Variants in IGF1R observed in about 807,000 individuals in gnomAD.
IGF1R encodes the protein insulin like growth factor 1 receptor.
In IGF1R, 44 loss-of-function variants were observed where a neutral mutation model predicts 144.6. That is an observed-to-expected ratio of 0.30 (90% CI 0.24 to 0.39). The LOEUF (loss-of-function observed/expected upper bound fraction) is 0.39, where lower values mean the gene tolerates loss of function less well. IGF1R is among the 10% of genes least tolerant of loss of function. The pLI, the probability that IGF1R is intolerant of heterozygous loss-of-function variation, is 1.00. For missense variants in IGF1R, 1,355 were observed against 1,833.7 expected, an observed-to-expected ratio of 0.74 and a Z score of 4.77; for synonymous variants, 795 against 722.8, an observed-to-expected ratio of 1.10 and a Z score of -1.60.
intron 2 of IGF1R, among the ~76,000 whole-genome samples, chr15:98,882,270 C>T (rs536115703): frequency 6.6e-6 from 1 of 152,224 alleles, no homozygotes; most frequent in Admixed American, 6.5e-5. Context: ...CCCTGCGTGT[C>T]AGACACCTGC....
At chr15:98,866,353 AG>A (rs2012447044) in intron 2 of IGF1R, among the ~76,000 whole-genome samples, 1 of 152,192 alleles carries the variant, frequency 6.6e-6, no homozygotes, top group Non-Finnish European at 1.5e-5. Flanking sequence ...GGGAAGCTTC[AG>A]GTTCTCTTCG....
At chr15:98,882,020 C>CT (rs1465800621) in intron 2 of IGF1R, among the ~76,000 whole-genome samples, 1 of 152,174 alleles carries the variant, frequency 6.6e-6, no homozygotes, top group Non-Finnish European at 1.5e-5. Context: ...ACTAGAAGCT[C>CT]AGAGTGAGCC....
chr15:98,928,405 C>T (rs1013981611), intron 13 of IGF1R, among the ~76,000 whole-genome samples: 30 of 152,218 alleles, frequency 2.0e-4, no homozygotes, highest in African/African-American at 6.8e-4. Context: ...CAGGTCCCTC[C>T]GTCTGTCCTC....
At chr15:98,736,280 A>T (rs1288198427) in intron 2 of IGF1R, among the ~76,000 whole-genome samples, 1 of 152,242 alleles carries the variant, frequency 6.6e-6, no homozygotes, top group Admixed American at 6.5e-5. Flanking sequence ...CATCTCAGCA[A>T]GAAAGGTTAA....
intron 2 of IGF1R, among the ~76,000 whole-genome samples, chr15:98,881,765 G>T (rs192857463): frequency 6.6e-6 from 1 of 152,268 alleles, no homozygotes; most frequent in Non-Finnish European, 1.5e-5. Context: ...CTCTTGGTGT[G>T]AACATTTGGT....
rs779438053 is a variant in IGF1R, at chr15:98,913,046, C to T, written c.1592C>T (p.Pro531Leu). The T allele has an allele frequency of 1.2e-6, 2 of 1,610,066 alleles. No individual in the cohort carries two copies. The highest frequency in any genetic ancestry group is 2.2e-5 in the South Asian group (2 of 90,978). The change falls in exon 8 of 21, where the codon CCC (proline) becomes CTC (leucine). Residue 531 changes from proline to leucine, a missense_variant and splice_region_variant. By Grantham distance (98) the Pro-to-Leu change is moderately conservative (BLOSUM62 -3). Transcript: ENST00000650285. ...ISFTVYYKEA[P>L]FKNVTEYDGQ... Reference sequence around the variant, plus strand: ...CTCTGAACTTAATTGTCTTTCAGACCCTTTAAGAATGTCACAGAGTATGAT... The same window carrying T: ...CTCTGAACTTAATTGTCTTTCAGACTCTTTAAGAATGTCACAGAGTATGAT...
chr15:98,819,942 A>G (rs2056770984), intron 2 of IGF1R, among the ~76,000 whole-genome samples: 1 of 152,214 alleles, frequency 6.6e-6, no homozygotes, highest in Non-Finnish European at 1.5e-5. Flanking sequence ...TCCACGGCAC[A>G]CATTCATGAG....
chr15:98,891,286 C>T lies in IGF1R; in HGVS notation c.641-39C>T, dbSNP rs1180367451. ...AGGCCCAGAGAAGGCGGTGCCTCCC[C>T]TGCCCGGTCTCATCTCCGTCTCTCC... On this transcript the variant is annotated intron_variant, in intron 2 of 20. Transcript: ENST00000650285. The surrounding 1 kb of genome is among the most constrained non-coding windows in gnomAD (Gnocchi z 4.7). 8.8e-6 allele frequency: 14 copies of T among 1,594,394 alleles called. No individual in the cohort carries two copies. Among genetic ancestry groups the T allele is most frequent in the East Asian group, 2.2e-5 (1 of 44,664 alleles).
chr15:98,952,899 C>A (rs2016833457), intron 20 of IGF1R: 1 of 152,154 alleles, frequency 6.6e-6, no homozygotes, highest in Non-Finnish European at 1.5e-5. Flanking sequence ...TTTCTCCCTT[C>A]CAAGAAAAGA....
intron 5 of IGF1R, among the ~76,000 whole-genome samples, chr15:98,899,910 G>A (rs3743258): frequency 0.32 from 49,061 of 151,982 alleles, 8,371 homozygotes; most frequent in East Asian, 0.55. Flanking sequence ...ACGGGGGTGC[G>A]CTTAGGGCTT....
rs1377602787 is a variant in IGF1R, at chr15:98,924,580, T to G, written c.2678T>G (p.Leu893Arg). The change falls in exon 13 of 21, where the codon CTA (leucine) becomes CGA (arginine). Residue 893 changes from leucine (L) to arginine (R), a missense_variant. Leu to Arg is a moderately radical substitution (Grantham distance 102). This residue lies in a region of IGF1R where 880 missense variants were observed against 1,202.7 expected (regional missense o/e 0.73). Transcript: ENST00000650285. The stretch of plus-strand genomic sequence containing the variant: ...TACAGGAAGTATGGAGGGGCCAAGC[T>G]AAACCGGCTAAACCCGGGGAACTAC... ...QEYRKYGGAKLNRLNPGNYTA... is the reference protein window; with the variant it reads ...QEYRKYGGAKRNRLNPGNYTA... The G allele has an allele frequency of 6.2e-7, 1 of 1,614,076 alleles. No individual in the cohort carries two copies. Among genetic ancestry groups the G allele is most frequent in the East Asian group, 2.2e-5 (1 of 44,884 alleles).
intron 2 of IGF1R, among the ~76,000 whole-genome samples, chr15:98,747,265 C>T (rs1225239078): frequency 1.3e-5 from 2 of 152,028 alleles, no homozygotes; most frequent in South Asian, 2.1e-4. Flanking sequence ...GGCATGGTCT[C>T]GGCTCACTGC....
intron 2 of IGF1R, among the ~76,000 whole-genome samples, chr15:98,751,868 G>A (rs1191964632): frequency 3.9e-5 from 6 of 152,180 alleles, no homozygotes; most frequent in Admixed American, 3.9e-4. Context: ...TTGGATATAT[G>A]CTGTGGTTTG....
At chr15:98,884,307 A>T (rs41436452) in intron 2 of IGF1R, among the ~76,000 whole-genome samples, 3,044 of 152,276 alleles carry the variant, frequency 0.02, 108 homozygotes, top group African/African-American at 0.069. Flanking sequence ...GATTGCATCC[A>T]CACAAACTGC....
At position 98,923,487 on chromosome 15, in the gene IGF1R, G is replaced by A. The variant is rs41322048; in HGVS notation, c.2486-389G>A. ...TTTCCAGGGCTGCTTGTGTTTGATG[G>A]CTTCACAAAGCTTTCTTTTTTCAAG... On this transcript the variant is annotated intron_variant, in intron 11 of 20. Coordinates refer to ENST00000650285, the MANE Select transcript of IGF1R (RefSeq NM_000875.5). Among the ~76,000 whole-genome samples, 683 of 152,356 alleles carry A rather than the reference G, an allele frequency of 4.5e-3. 19 individuals are homozygous for A. The East Asian group carries it at 0.072, about 16-fold the overall frequency.
At chr15:98,956,264 G>T (rs2872060) in intron 20 of IGF1R, among the ~76,000 whole-genome samples, 61,161 of 152,142 alleles carry the variant, frequency 0.4, 14,202 homozygotes, top group South Asian at 0.55. Flanking sequence ...CAGCCGATGC[G>T]ACCGACACAC....
chr15:98,817,867 A>G (rs151090662), intron 2 of IGF1R, among the ~76,000 whole-genome samples: 1 of 152,108 alleles, frequency 6.6e-6, no homozygotes, highest in Non-Finnish European at 1.5e-5. Context: ...CTACTTTCCC[A>G]GTCTTGCCTC....
rs185235066 is a variant in IGF1R at position 98,666,718 on chromosome 15, A to T, written c.94+17043A>T. Reference sequence around the variant, plus strand: ...CATAGAGACGGAAAGTAGAATGGTGAGGGGCGGTGAATAGAGGCTGGGGGG... The same window carrying T: ...CATAGAGACGGAAAGTAGAATGGTGTGGGGCGGTGAATAGAGGCTGGGGGG... On this transcript the variant is annotated intron_variant, in intron 1 of 20. Coordinates refer to ENST00000650285, the MANE Select transcript of IGF1R (RefSeq NM_000875.5). 4.3e-4 allele frequency among the ~76,000 whole-genome samples: 65 copies of T among 152,086 alleles called. 2 individuals carry two copies. The highest frequency in any genetic ancestry group is 1.6e-3 in the African/African-American group (65 of 41,458).
Position 98,896,826 on chromosome 15 carries a change from T to A in IGF1R, c.1023T>A (p.Ile341=). Reference sequence around the variant, plus strand: ...AGGAAGAAAAGAAAACAAAGACCATTGATTCTGTTACTTCTGCTCAGATGC... The same window carrying A: ...AGGAAGAAAAGAAAACAAAGACCATAGATTCTGTTACTTCTGCTCAGATGC... ...VCEEEKKTKT[I]DSVTSAQMLQ... is the part of the protein sequence containing the mutation. Residue 341 remains isoleucine (I), a synonymous_variant, in exon 4 of 21, where the codon ATT becomes ATA. Transcript: ENST00000650285. The A allele has an allele frequency of 6.2e-7, 1 of 1,614,102 alleles. No individual in the cohort carries two copies. Among genetic ancestry groups the A allele is most frequent in the Non-Finnish European group, 8.5e-7 (1 of 1,179,972 alleles).
Sources: gnomAD v4.1 joint callset for allele counts (sites outside exome capture counted in the v4.1 genomes callset) on GRCh38, gnomAD v4.1.1 for gene constraint, gnomAD v4.1.1 regional missense constraint, Gnocchi (gnomAD v3.1) non-coding constraint, MANE v1.5 for transcripts, NCBI Gene and HGNC (gene_info 2026-07-23, HGNC 2026-07-21) for gene names.